The following FAT1 variants were observed in gnomAD, a reference collection of about 807,000 sequenced individuals.
The protein encoded by FAT1 is FAT atypical cadherin 1, also known as protocadherin Fat 1.
A neutral mutation model predicts 329.8 loss-of-function variants in FAT1; 171 were observed. The observed-to-expected ratio is 0.52, with a 90% CI of 0.46 to 0.59. FAT1 has a LOEUF of 0.59. Ranked by LOEUF, FAT1 falls within the 20% of genes least tolerant of loss-of-function variation. FAT1 has a pLI of 0.00. For missense variants in FAT1, 5,672 were observed against 5,774.4 expected, an observed-to-expected ratio of 0.98 and a Z score of 0.57; for synonymous variants, 2,233 against 2,228.6, an observed-to-expected ratio of 1.00 and a Z score of -0.06.
At chr4:186,659,420 T>G (rs527658338) in intron 3 of FAT1, among the ~76,000 whole-genome samples, 1 of 152,226 alleles carries the variant, frequency 6.6e-6, no homozygotes, top group Non-Finnish European at 1.5e-5. Flanking sequence ...CAAATTCATG[T>G]TTCTAAGAAA....
In FAT1 at chr4:186,609,918, G is replaced by A. The variant is rs773559042; in HGVS notation, c.9951C>T (p.Asp3317=). ...TTACATTAACGTTCACAGTGGCAAC[G>A]TCGCTCAGTGAAGGCGTGCCTCCAT... The part of the protein sequence containing the change: ...ATDGGTPSLS[D]VATVNVNVTD... Residue 3317 remains aspartate (D), a synonymous_variant, in exon 15 of 27, where the codon GAC becomes GAT. Transcript: ENST00000441802. The A allele has an allele frequency of 3.1e-6, 5 of 1,612,504 alleles. No individual in the cohort carries two copies. The highest frequency in any genetic ancestry group is 2.7e-5 in the African/African-American group (2 of 74,870).
chr4:186,669,486 G>C (rs1742637207), intron 2 of FAT1, among the ~76,000 whole-genome samples: 1 of 152,226 alleles, frequency 6.6e-6, no homozygotes, highest in Admixed American at 6.5e-5. Context: ...CATTACGGAA[G>C]GAATGAAAGC....
rs1743892179 is a variant in FAT1, at chr4:186,693,511, T to C, written c.3265+13052A>G. Among the ~76,000 whole-genome samples, 3 of 141,898 alleles carry C rather than the reference T, an allele frequency of 2.1e-5. 1 individual carries two copies. The highest frequency in any genetic ancestry group is 8.2e-5 in the African/African-American group (3 of 36,520). 93.1% of individuals were successfully genotyped at this position (141,898 alleles called of 152,430 possible). On this transcript the variant is annotated intron_variant, in intron 2 of 26. Transcript: ENST00000441802. ...GGGTCCAGGACAGGCTGCGGGATGATCACAGACACAGGGCCTAGGAGCTGC... is the reference window on the plus strand; with the variant it reads ...GGGTCCAGGACAGGCTGCGGGATGACCACAGACACAGGGCCTAGGAGCTGC...
Position 186,618,726 on chromosome 4 carries a change from T to C in FAT1, c.7860A>G (p.Ala2620=), listed in dbSNP as rs2126498326. ...CATTGGAGCCCTCATCGGCATCACTTGCAAGAACTTTAACGACTGAAGTCC... is the reference window on the plus strand; with the variant it reads ...CATTGGAGCCCTCATCGGCATCACTCGCAAGAACTTTAACGACTGAAGTCC... ...AKGTSVVKVL[A]SDADEGSNAD... The change falls in exon 10 of 27, where the codon GCA becomes GCG. Residue 2620 remains alanine, a synonymous_variant. Coordinates refer to ENST00000441802, the MANE Select transcript of FAT1 (RefSeq NM_005245.4). The C allele has an allele frequency of 6.2e-7, 1 of 1,614,062 alleles. No homozygotes were observed. The highest frequency in any genetic ancestry group is 8.5e-7 in the Non-Finnish European group (1 of 1,179,902).
At chr4:186,659,602 A>T (rs563190306) in intron 3 of FAT1, among the ~76,000 whole-genome samples, 2 of 151,234 alleles carry the variant, frequency 1.3e-5, no homozygotes, top group African/African-American at 4.9e-5. Flanking sequence ...TGCACTCTAC[A>T]CACACAAGCC....
rs2126488954 is a variant in FAT1 at position 186,617,884 on chromosome 4, G to A, written c.8702C>T (p.Thr2901Ile). The A allele has an allele frequency of 6.2e-7, 1 of 1,614,022 alleles. No individual in the cohort carries two copies. Among genetic ancestry groups the A allele is most frequent in the Non-Finnish European group, 8.5e-7 (1 of 1,179,898 alleles). The change falls in exon 10 of 27, where the codon ACA becomes ATA. Residue 2901 changes from threonine (T) to isoleucine (I), a missense_variant. Coordinates refer to ENST00000441802, the MANE Select transcript of FAT1 (RefSeq NM_005245.4). ...DHGEKIQLSS[T>I]AIVDVTVTDV... The stretch of plus-strand genomic sequence containing the variant: ...GGTGACGGTAACATCCACAATGGCT[G>A]TGGAGGATAGCTGGATCTTTTCACC...
At position 186,628,168 on chromosome 4, in the gene FAT1, T is replaced by TACA; in HGVS notation, c.4793_4795dup (p.Leu1598dup). ...TCCAAAAGTACCTGACTCGATCGAG[T>TACA]ACAGCACTTCAGCATTTTTCCCTTT... On this transcript the variant is annotated inframe_insertion, in exon 9 of 27. Transcript: ENST00000441802. 1 of 1,613,778 alleles carries TACA rather than the reference T, an allele frequency of 6.2e-7. No homozygotes were observed. Among genetic ancestry groups the TACA allele is most frequent in the South Asian group, 1.1e-5 (1 of 91,014 alleles).
At chr4:186,646,865 T>C (rs990450467) in intron 3 of FAT1, among the ~76,000 whole-genome samples, 1 of 152,336 alleles carries the variant, frequency 6.6e-6, no homozygotes, top group African/African-American at 2.4e-5. Flanking sequence ...GAATTGCTGG[T>C]GTACTACTTC....
Position 186,606,233 on chromosome 4 carries a change from A to G in FAT1, c.10207-20T>C. 1 of 1,612,364 alleles carries G rather than the reference A, an allele frequency of 6.2e-7. No homozygotes were observed. The highest frequency in any genetic ancestry group is 1.1e-5 in the South Asian group (1 of 90,802). ...TGAAATCTTTTCAGGCAAAAGACAG[A>G]ATGCACGTTCATTTTCACAAGGCCG... On this transcript the variant is annotated intron_variant, in intron 16 of 26. Coordinates refer to ENST00000441802, the MANE Select transcript of FAT1 (RefSeq NM_005245.4).
chr4:186,623,235 G>A (rs537703064), intron 9 of FAT1, among the ~76,000 whole-genome samples: 3 of 152,238 alleles, frequency 2.0e-5, no homozygotes, highest in South Asian at 2.1e-4. Context: ...ACTGGGTCCT[G>A]CTGCCTCTGC....
intron 2 of FAT1, among the ~76,000 whole-genome samples, chr4:186,679,624 A>G (rs1743121226): frequency 6.6e-6 from 1 of 152,098 alleles, no homozygotes. Flanking sequence ...AACATAGCAT[A>G]GTACTTACAA....
intron 2 of FAT1, among the ~76,000 whole-genome samples, chr4:186,676,657 C>T (rs1055996564): frequency 6.6e-6 from 1 of 152,174 alleles, no homozygotes; most frequent in African/African-American, 2.4e-5. Flanking sequence ...CTCCTTAAAG[C>T]ACTCCCTTGC....
Position 186,708,234 on chromosome 4 carries a change from G to A in FAT1, c.1594C>T (p.Arg532Trp), listed in dbSNP as rs778980929. ...SENLDYELMP[R>W]VYTLRIRASD... The stretch of plus-strand genomic sequence containing the variant: ...GCACGAATCCTCAGAGTATAAACCC[G>A]AGGCATCAGTTCGTAGTCCAGGTTT... The change falls in exon 2 of 27, where the codon CGG becomes TGG. Residue 532 changes from arginine to tryptophan, a missense_variant. By Grantham distance (101) the Arg-to-Trp change is moderately radical. Around this residue, in one of 2 missense-constraint regions of FAT1, gnomAD observed 3,966 missense variants for 3,915.2 expected, o/e 1.01. Transcript: ENST00000441802. The A allele has an allele frequency of 7.4e-6, 12 of 1,613,840 alleles. No individual in the cohort carries two copies. Among genetic ancestry groups the A allele is most frequent in the Admixed American group, 1.7e-5 (1 of 59,992 alleles).
rs2126619286 is a variant in FAT1, at chr4:186,663,665, C to T, written c.3266-52G>A. On this transcript the variant is annotated intron_variant, in intron 2 of 26. Coordinates refer to ENST00000441802, the MANE Select transcript of FAT1 (RefSeq NM_005245.4). Reference sequence around the variant, plus strand: ...GCAGCACATCAACGACCAAAACTGCCAGCTTCAGAAAGTGTCAACAACTAC... The same window carrying T: ...GCAGCACATCAACGACCAAAACTGCTAGCTTCAGAAAGTGTCAACAACTAC... 3.5e-6 allele frequency: 5 copies of T among 1,437,390 alleles called. 1 individual carries two copies. In the South Asian group the frequency reaches 6.4e-5, roughly 19 times the overall value. 89.0% of individuals were successfully genotyped at this position (1,437,390 alleles called of 1,614,324 possible). A position where few individuals can be genotyped will look rare whatever the true frequency, so the allele number is the denominator to read the frequency against.
rs928370171 is a variant in FAT1 at position 186,709,991 on chromosome 4, T to G, written c.-18-146A>C. The G allele has an allele frequency of 1.9e-5, 14 of 745,462 alleles. No homozygotes were observed. The South Asian group carries it at 3.3e-4, about 18-fold the overall frequency. 46.2% of individuals were successfully genotyped at this position (745,462 alleles called of 1,614,324 possible). On this transcript the variant is annotated intron_variant, in intron 1 of 26. Transcript: ENST00000441802. The stretch of plus-strand genomic sequence containing the variant: ...AACGGTTTGGGATGTTTTTCATGTT[T>G]TCCAATATAAGTATCAACATTCTTG...
rs1235406566 is a variant in FAT1 at position 186,603,566 on chromosome 4, C to T, written c.10960G>A (p.Glu3654Lys). The T allele has an allele frequency of 2.5e-6, 4 of 1,614,016 alleles. No individual in the cohort carries two copies. Among genetic ancestry groups the T allele is most frequent in the Non-Finnish European group, 2.5e-6 (3 of 1,179,894 alleles). Residue 3654 changes from glutamate (E) to lysine (K), a missense_variant, in exon 19 of 27, where the codon GAA becomes AAA. Glu to Lys is a moderately conservative substitution (Grantham distance 56). Coordinates refer to ENST00000441802, the MANE Select transcript of FAT1 (RefSeq NM_005245.4). ...AIRFANLTPE[E>K]FVGDYWRNFQ... The stretch of plus-strand genomic sequence containing the variant: ...TTGCGCCAGTAGTCACCAACGAATT[C>T]TTCCGGAGTGAGGTTGGCAAAGCGG...
chr4:186,594,049 A>T (rs1457892549), intron 26 of FAT1, among the ~76,000 whole-genome samples: 2 of 151,926 alleles, frequency 1.3e-5, no homozygotes, highest in Non-Finnish European at 2.9e-5. Context: ...TTTGACCATA[A>T]CTTATTGAAA....
intron 2 of FAT1, among the ~76,000 whole-genome samples, chr4:186,681,154 C>T (rs1380059199): frequency 3.3e-5 from 5 of 152,114 alleles, no homozygotes; most frequent in African/African-American, 1.2e-4. Context: ...TTATAATCAA[C>T]CATCCTTACA....
intron 3 of FAT1, among the ~76,000 whole-genome samples, chr4:186,647,157 A>C (rs1161548131): frequency 6.6e-6 from 1 of 152,186 alleles, no homozygotes; most frequent in African/African-American, 2.4e-5. Flanking sequence ...AAAGGCATAC[A>C]ATTTATTTAA....
Sources: allele counts gnomAD v4.1 joint callset (sites outside exome capture counted in the v4.1 genomes callset), GRCh38; gene constraint gnomAD v4.1.1; regional missense constraint gnomAD v4.1.1; transcripts MANE v1.5; gene names NCBI Gene and HGNC (gene_info 2026-07-23, HGNC 2026-07-21).